MYRIP: variants seen among roughly 807,000 people sequenced by gnomAD.
MYRIP encodes myosin VIIA and Rab interacting protein, also known as rab effector MyRIP.
MYRIP carries 49 observed loss-of-function variants against 98.0 expected under a neutral mutation model. The observed-to-expected ratio is 0.50, with a 90% CI of 0.40 to 0.63. The LOEUF is 0.63. Among genes scored for constraint, MYRIP ranks in the 30% least tolerant of loss-of-function variants. MYRIP has a pLI of 0.00. For missense variants in MYRIP, 1,004 were observed against 1,058.2 expected (o/e 0.95, Z 0.71); for synonymous variants, 404 against 409.5 (o/e 0.99, Z 0.16).
Position 39,852,657 on chromosome 3 carries a change from C to T in MYRIP, c.-31+42741C>T, listed in dbSNP as rs952694398. Among the ~76,000 whole-genome samples the T allele has an allele frequency of 2.0e-5, 3 of 152,126 alleles. No homozygotes were observed. The East Asian group carries it at 5.8e-4, about 29-fold the overall frequency. On this transcript the variant is annotated intron_variant, in intron 1 of 16. Transcript: ENST00000302541. ...TATTTGGTTTTCCATTTCTGAGTTACGTCACTTAGAATAATGGTCCCCAAC... is the reference window on the plus strand; with the variant it reads ...TATTTGGTTTTCCATTTCTGAGTTATGTCACTTAGAATAATGGTCCCCAAC...
At chr3:40,024,413 G>C (rs1057465175) in intron 2 of MYRIP, among the ~76,000 whole-genome samples, 1 of 152,118 alleles carries the variant, frequency 6.6e-6, no homozygotes, top group Non-Finnish European at 1.5e-5. Flanking sequence ...GTGGTGGGAG[G>C]TGCAGGAGGC....
intron 10 of MYRIP, among the ~76,000 whole-genome samples, chr3:40,192,353 T>TGTCATATATATATATG (rs1491229160): frequency 7.2e-6 from 1 of 138,378 alleles, no homozygotes; most frequent in African/African-American, 2.6e-5. Context: ...CATATATATA[T>TGTCATATATATATATG]TTATATTTAT....
intron 12 of MYRIP, chr3:40,238,691 C>A (rs1276566721): frequency 1.3e-5 from 2 of 152,154 alleles, no homozygotes; most frequent in Non-Finnish European, 2.9e-5. Flanking sequence ...CTCCCCAGGA[C>A]CTCAGATTGG....
intron 2 of MYRIP, among the ~76,000 whole-genome samples, chr3:39,953,477 G>A (rs755837169): frequency 2.0e-5 from 3 of 152,068 alleles, no homozygotes; most frequent in Non-Finnish European, 4.4e-5. Context: ...GGCAACTTAT[G>A]GAAAACCAAT....
At chr3:40,172,923 A>C (rs1292171325) in intron 8 of MYRIP, among the ~76,000 whole-genome samples, 1 of 151,986 alleles carries the variant, frequency 6.6e-6, no homozygotes, top group African/African-American at 2.4e-5. Flanking sequence ...ACCCTGTCTC[A>C]TTTTCCCTTG....
At chr3:39,874,806 T>G (rs1018809565) in intron 1 of MYRIP, among the ~76,000 whole-genome samples, 12 of 152,170 alleles carry the variant, frequency 7.9e-5, no homozygotes, top group African/African-American at 2.7e-4. Context: ...AATTCTCTTT[T>G]TTGGTTGTGT....
intron 3 of MYRIP, chr3:40,071,072 A>T (rs1948215313): frequency 1.1e-6 from 1 of 928,028 alleles, no homozygotes; most frequent in Admixed American, 6.2e-5. Flanking sequence ...GCCTTTTGAC[A>T]TAAGAATCTG....
chr3:40,118,019 CCAAAA>C (rs67832741), intron 3 of MYRIP, among the ~76,000 whole-genome samples: 79,058 of 151,364 alleles, frequency 0.52, 20,862 homozygotes, highest in Admixed American at 0.61. Flanking sequence ...TCCTACAAAT[CCAAAA>C]CAAAAAGCCC....
chr3:40,159,481 G>A (rs1470255070), intron 4 of MYRIP, among the ~76,000 whole-genome samples: 2 of 151,898 alleles, frequency 1.3e-5, no homozygotes, highest in Non-Finnish European at 2.9e-5. Context: ...TCTTGGAGTT[G>A]CTCTTCTCGA....
intron 1 of MYRIP, among the ~76,000 whole-genome samples, chr3:39,861,932 A>G (rs1030168333): frequency 6.6e-6 from 1 of 152,232 alleles, no homozygotes; most frequent in Admixed American, 6.5e-5. Context: ...GACATCATCC[A>G]TGAAAAGTTC....
intron 1 of MYRIP, among the ~76,000 whole-genome samples, chr3:39,831,731 ATTG>A (rs1941453895): frequency 6.6e-6 from 1 of 152,206 alleles, no homozygotes; most frequent in Non-Finnish European, 1.5e-5. Context: ...TAATAGCTGA[ATTG>A]AATATCACTT....
intron 2 of MYRIP, among the ~76,000 whole-genome samples, chr3:39,916,412 A>C (rs1027015279): frequency 1.3e-5 from 2 of 151,776 alleles, no homozygotes; most frequent in Admixed American, 6.6e-5. Flanking sequence ...TGAGAACAAA[A>C]AAAAAAAAAT....
chr3:40,250,211 G>T lies in MYRIP; in HGVS notation c.2263-11G>T. On this transcript the variant is annotated splice_polypyrimidine_tract_variant and intron_variant, in intron 13 of 16. Coordinates refer to ENST00000302541, the MANE Select transcript of MYRIP (RefSeq NM_015460.4). ...TTCTCCCTGCCAATCTTGTCTTTCT[G>T]TTGCTTTAAGATTTCAGATATTGAG... The T allele has an allele frequency of 6.3e-7, 1 of 1,591,856 alleles. No individual in the cohort carries two copies. Among genetic ancestry groups the T allele is most frequent in the South Asian group, 1.1e-5 (1 of 90,306 alleles).
intron 11 of MYRIP, among the ~76,000 whole-genome samples, chr3:40,215,475 C>T (rs1432843681): frequency 6.6e-6 from 1 of 152,048 alleles, no homozygotes; most frequent in Non-Finnish European, 1.5e-5. Context: ...GATGGCTGCC[C>T]CCCAATTACT....
chr3:40,158,168 T>G (rs1460710275), intron 4 of MYRIP, among the ~76,000 whole-genome samples: 2 of 152,220 alleles, frequency 1.3e-5, no homozygotes, highest in Non-Finnish European at 2.9e-5. Context: ...CTGCTTTGAA[T>G]GCGTCCCAGA....
intron 2 of MYRIP, among the ~76,000 whole-genome samples, chr3:39,982,075 A>G (rs1044123431): frequency 1.3e-5 from 2 of 152,226 alleles, no homozygotes; most frequent in Non-Finnish European, 1.5e-5. Context: ...ATCTTATTAC[A>G]TTTCCAAGAT....
intron 2 of MYRIP, among the ~76,000 whole-genome samples, chr3:40,009,170 C>A (rs907912614): frequency 6.6e-6 from 1 of 152,166 alleles, no homozygotes; most frequent in African/African-American, 2.4e-5. Context: ...GACTGCCAGA[C>A]CCTGCCATTG....
intron 3 of MYRIP, among the ~76,000 whole-genome samples, chr3:40,115,761 A>G (rs1949260018): frequency 6.6e-6 from 1 of 152,098 alleles, no homozygotes; most frequent in Non-Finnish European, 1.5e-5. Context: ...CTCAGGAACA[A>G]ACTTGGAGAT....
intron 1 of MYRIP, among the ~76,000 whole-genome samples, chr3:39,857,130 T>C (rs550788324): frequency 6.6e-6 from 1 of 152,064 alleles, no homozygotes; most frequent in Admixed American, 6.5e-5. Context: ...GGAGTATTGC[T>C]TGGGCTTGCG....
Sources: allele counts gnomAD v4.1 joint callset (sites outside exome capture counted in the v4.1 genomes callset), GRCh38; gene constraint gnomAD v4.1.1; transcripts MANE v1.5; gene names NCBI Gene and HGNC (gene_info 2026-07-23, HGNC 2026-07-21).